The following JAM3 variants were observed in gnomAD, a reference collection of about 807,000 sequenced individuals.
JAM3 encodes junctional adhesion molecule C.
JAM3 carries 31 observed loss-of-function variants against 39.4 expected under a neutral mutation model. The observed-to-expected ratio is 0.79, with a 90% CI of 0.59 to 1.06. The LOEUF (loss-of-function observed/expected upper bound fraction) is 1.06. Among genes scored for constraint, JAM3 ranks in the 50% least tolerant of loss-of-function variants. The pLI is 0.00. For synonymous variants in JAM3, 182 were observed against 148.7 expected (o/e 1.22, Z -1.63); for missense variants, 455 against 391.4 (o/e 1.16, Z -1.37).
At chr11:134,111,414 TTAAC>T (rs1942308338) in intron 1 of JAM3, among the ~76,000 whole-genome samples, 1 of 152,102 alleles carries the variant, frequency 6.6e-6, no homozygotes, top group Admixed American at 6.6e-5. Flanking sequence ...CATTCATCTT[TTAAC>T]TATGGAAAAA....
At chr11:134,121,029 G>A (rs1248099159) in intron 1 of JAM3, among the ~76,000 whole-genome samples, 1 of 152,166 alleles carries the variant, frequency 6.6e-6, no homozygotes, top group Non-Finnish European at 1.5e-5. Flanking sequence ...GCTGGGTCTG[G>A]CCCCCACAGA....
chr11:134,144,405 T>A lies in JAM3; in HGVS notation c.409+12T>A. On this transcript the variant is annotated intron_variant, in intron 4 of 8. Transcript: ENST00000299106. ...GTTAACTGTGCAAGGTAGGAGCTCA[T>A]GCGAAGGTGAGACATTGCCACCATA... 6.2e-7 allele frequency: 1 copy of A among 1,614,180 alleles called. No homozygotes were observed.
Position 134,139,255 on chromosome 11 carries a change from C to T in JAM3, c.77-596C>T, listed in dbSNP as rs556864946. Reference sequence around the variant, plus strand: ...TTCATCAATGATATAAACTCAGCTTCGTGAAAATTACCGTGTTATATTATT... The same window carrying T: ...TTCATCAATGATATAAACTCAGCTTTGTGAAAATTACCGTGTTATATTATT... On this transcript the variant is annotated intron_variant, in intron 1 of 8. Transcript: ENST00000299106. Among the ~76,000 whole-genome samples the T allele has an allele frequency of 5.1e-4, 77 of 152,298 alleles. 1 individual carries two copies. Among genetic ancestry groups the T allele is most frequent in the African/African-American group, 1.7e-3 (71 of 41,556 alleles).
chr11:134,118,680 T>C (rs1365722570), intron 1 of JAM3, among the ~76,000 whole-genome samples: 1 of 152,200 alleles, frequency 6.6e-6, no homozygotes, highest in Non-Finnish European at 1.5e-5. Context: ...TTTATCCACG[T>C]TTTTACTTGG....
In JAM3 at chr11:134,144,772, C is replaced by T. The variant is rs1324535606; in HGVS notation, c.410-20C>T. The T allele has an allele frequency of 6.4e-7, 1 of 1,565,420 alleles. No homozygotes were observed. Among genetic ancestry groups the T allele is most frequent in the Non-Finnish European group, 8.6e-7 (1 of 1,163,254 alleles). ...AGCCCTGTCACTGAGATCTTAAACA[C>T]CACCCCTTTTTCCCCACAGTGAAGC... On this transcript the variant is annotated intron_variant, in intron 4 of 8. Transcript: ENST00000299106.
chr11:134,126,737 A>T (rs1007719331), intron 1 of JAM3, among the ~76,000 whole-genome samples: 1 of 152,190 alleles, frequency 6.6e-6, no homozygotes, highest in Non-Finnish European at 1.5e-5. Flanking sequence ...AAACTGTGCT[A>T]GATACCACTG....
At position 134,149,737 on chromosome 11, in the gene JAM3, G is replaced by A. The variant is rs1367640806; in HGVS notation, c.*556G>A. On this transcript the variant is annotated 3_prime_UTR_variant, in exon 9 of 9. Coordinates refer to ENST00000299106, the MANE Select transcript of JAM3 (RefSeq NM_032801.5). ...AGTGTCCATTGTGGAGAAGCTTTTT[G>A]GATCAGCATTTTGTAAAAACAACCA... is the stretch of plus-strand genomic sequence containing the variant. The A allele has an allele frequency of 2.3e-6, 1 of 440,894 alleles. No homozygotes were observed. The highest frequency in any genetic ancestry group is 4.6e-6 in the Non-Finnish European group (1 of 218,344). The allele number at this position is 440,894 out of a possible 1,614,324, so 27.3% of individuals were successfully genotyped here.
At chr11:134,123,950 T>C (rs1372599766) in intron 1 of JAM3, 2 of 1,490,466 alleles carry the variant, frequency 1.3e-6, no homozygotes, top group Non-Finnish European at 1.9e-6. Context: ...TAAACTGAAC[T>C]GCATCTTCGT....
chr11:134,106,511 G>T (rs1442394589), intron 1 of JAM3, among the ~76,000 whole-genome samples: 1 of 152,066 alleles, frequency 6.6e-6, no homozygotes, highest in Admixed American at 6.6e-5. Context: ...TCTAATTAAA[G>T]AGCTTCTGCA....
rs655627 is a variant in JAM3, at chr11:134,151,964, G to A, written c.*2783G>A. On this transcript the variant is annotated 3_prime_UTR_variant, in exon 9 of 9. Coordinates refer to ENST00000299106, the MANE Select transcript of JAM3 (RefSeq NM_032801.5). ...CTGTGTTGCGGTTCCCACTTGGGAT[G>A]GCAGTGGGCAGATCTCAGTGGCATC... The A allele has an allele frequency of 0.65, 99,262 of 152,064 alleles. 33,508 individuals are homozygous for A. Among genetic ancestry groups the A allele is most frequent in the African/African-American group, 0.83 (34,396 of 41,504 alleles). 9.4% of individuals were successfully genotyped at this position (152,064 alleles called of 1,614,324 possible).
At chr11:134,133,965 A>C (rs1942814756) in intron 1 of JAM3, among the ~76,000 whole-genome samples, 1 of 152,210 alleles carries the variant, frequency 6.6e-6, no homozygotes, top group South Asian at 2.1e-4. Flanking sequence ...CATTTAAAAC[A>C]ACTCTGATTA....
At chr11:134,101,519 A>C (rs1014835555) in intron 1 of JAM3, among the ~76,000 whole-genome samples, 1 of 152,210 alleles carries the variant, frequency 6.6e-6, no homozygotes, top group Non-Finnish European at 1.5e-5. Flanking sequence ...CTCCAGGCTT[A>C]AGTTTCTATT....
intron 1 of JAM3, among the ~76,000 whole-genome samples, chr11:134,105,052 AAAG>A (rs771872230): frequency 5.3e-5 from 8 of 152,308 alleles, no homozygotes; most frequent in South Asian, 2.1e-4. Context: ...AGACACAAAA[AAAG>A]AGAATTTTAG....
chr11:134,096,810 G>A (rs957868884), intron 1 of JAM3, among the ~76,000 whole-genome samples: 2 of 152,156 alleles, frequency 1.3e-5, no homozygotes, highest in African/African-American at 4.8e-5. Flanking sequence ...ATACTGGCCA[G>A]AATTATTCTT....
chr11:134,109,075 G>T (rs1942259534), intron 1 of JAM3, among the ~76,000 whole-genome samples: 1 of 152,082 alleles, frequency 6.6e-6, no homozygotes, highest in Non-Finnish European at 1.5e-5. Flanking sequence ...TCGTGCCTTA[G>T]CCTCCCGTGT....
chr11:134,108,822 A>G (rs1023206793), intron 1 of JAM3, among the ~76,000 whole-genome samples: 5 of 152,230 alleles, frequency 3.3e-5, no homozygotes, highest in African/African-American at 4.8e-5. Context: ...AGGTAAATCA[A>G]TAAACCAAAA....
chr11:134,101,307 C>T (rs1186496343), intron 1 of JAM3, among the ~76,000 whole-genome samples: 1 of 152,220 alleles, frequency 6.6e-6, no homozygotes, highest in Non-Finnish European at 1.5e-5. Flanking sequence ...ATAATAATTG[C>T]TGTGCTCTGG....
In JAM3 at chr11:134,151,932, A is replaced by G. The variant is rs1943251464; in HGVS notation, c.*2751A>G. The G allele has an allele frequency of 6.6e-6, 1 of 152,204 alleles. No homozygotes were observed. Among genetic ancestry groups the G allele is most frequent in the Non-Finnish European group, 1.5e-5 (1 of 68,044 alleles). The allele number at this position is 152,204 out of a possible 1,614,324, so 9.4% of individuals were successfully genotyped here. A position where few individuals can be genotyped will look rare whatever the true frequency, so the allele number is the denominator to read the frequency against. On this transcript the variant is annotated 3_prime_UTR_variant, in exon 9 of 9. Coordinates refer to ENST00000299106, the MANE Select transcript of JAM3 (RefSeq NM_032801.5). ...GCAGTGCTGCGCCTCTCCGCCACCG[A>G]GCCCACCTGTGTTGCGGTTCCCACT...
At chr11:134,132,065 G>T (rs749797321) in intron 1 of JAM3, among the ~76,000 whole-genome samples, 7 of 152,064 alleles carry the variant, frequency 4.6e-5, no homozygotes, top group Non-Finnish European at 8.8e-5. Context: ...TTGATGAAGG[G>T]CATAGACCCA....
Sources: gnomAD v4.1 joint callset for allele counts (sites outside exome capture counted in the v4.1 genomes callset) on GRCh38, gnomAD v4.1.1 for gene constraint, MANE v1.5 for transcripts, NCBI Gene and HGNC (gene_info 2026-07-23, HGNC 2026-07-21) for gene names.